The following TCF4 variants were observed in gnomAD, a reference collection of about 807,000 sequenced individuals.
TCF4 encodes SL3-3 enhancer factor 2.
In TCF4, 3 loss-of-function variants were observed where a neutral mutation model predicts 82.1. The observed-to-expected ratio is 0.04, with a 90% CI of 0.02 to 0.09. TCF4 has a LOEUF of 0.09. Among genes scored for constraint, TCF4 ranks in the 10% least tolerant of loss-of-function variants. The probability of loss-of-function intolerance (pLI) is 1.00; values close to 1 mark genes in which losing one functional copy is unlikely to be tolerated. For missense variants in TCF4, 518 were observed against 852.7 expected, an observed-to-expected ratio of 0.61 and a Z score of 4.89; for synonymous variants, 276 against 309.6, an observed-to-expected ratio of 0.89 and a Z score of 1.14.
intron 5 of TCF4, among the ~76,000 whole-genome samples, chr18:55,415,960 A>G (rs931804923): frequency 1.3e-5 from 2 of 152,226 alleles, no homozygotes; most frequent in Non-Finnish European, 2.9e-5. Context: ...AAAGCAATCA[A>G]ATATGTAGCA....
intron 3 of TCF4, among the ~76,000 whole-genome samples, chr18:55,529,963 C>G (rs1474172350): frequency 6.6e-6 from 1 of 151,994 alleles, no homozygotes; most frequent in Non-Finnish European, 1.5e-5. Context: ...GCCAAGCACG[C>G]AAGCAGAGAC....
chr18:55,378,028 CGT>C (rs1213733760), intron 6 of TCF4, among the ~76,000 whole-genome samples: 1 of 151,958 alleles, frequency 6.6e-6, no homozygotes, highest in East Asian at 1.9e-4. Context: ...AAAAGAAATA[CGT>C]GGTTTTAATA....
chr18:55,402,336 T>C (rs1037868724), intron 6 of TCF4: 2 of 526,682 alleles, frequency 3.8e-6, no homozygotes, highest in African/African-American at 2.1e-5. Flanking sequence ...ACTTTCCTCA[T>C]AGGCTCGATT....
chr18:55,589,415 T>G, upstream of TCF4: 1 of 1,056,386 alleles, frequency 9.5e-7, no homozygotes, highest in Non-Finnish European at 1.1e-6. Context: ...GTATTTTAAC[T>G]GGTACTCAGT....
At chr18:55,345,711 C>T (rs563862350) in intron 8 of TCF4, among the ~76,000 whole-genome samples, 3 of 152,258 alleles carry the variant, frequency 2.0e-5, no homozygotes, top group South Asian at 4.1e-4. Flanking sequence ...ACCACACAAT[C>T]GGCTACTTCC....
At chr18:55,387,456 A>G (rs2092699552) in intron 6 of TCF4, among the ~76,000 whole-genome samples, 1 of 152,216 alleles carries the variant, frequency 6.6e-6, no homozygotes, top group African/African-American at 2.4e-5. Flanking sequence ...TTTTCCATCA[A>G]AATATTCTGG....
At chr18:55,373,991 C>T (rs2090064899) in intron 6 of TCF4, among the ~76,000 whole-genome samples, 1 of 151,526 alleles carries the variant, frequency 6.6e-6, no homozygotes, top group Admixed American at 6.6e-5. Flanking sequence ...AAAAACAAAA[C>T]AGTAGCACTG....
chr18:55,422,135 A>C, intron 5 of TCF4: 1 of 794,226 alleles, frequency 1.3e-6, no homozygotes, highest in Non-Finnish European at 1.4e-6. Context: ...CAAAAAAAAA[A>C]AAAAAAAAAA....
chr18:55,350,253 C>T (rs369842653), intron 8 of TCF4, 106 bp downstream of exon 8: 8 of 1,191,312 alleles, frequency 6.7e-6, no homozygotes, highest in East Asian at 2.5e-5. Context: ...TCTAGATAAA[C>T]GTGCTGCTCT....
chr18:55,529,545 C>A (rs1033701476), intron 3 of TCF4, among the ~76,000 whole-genome samples: 2 of 152,004 alleles, frequency 1.3e-5, no homozygotes, highest in Non-Finnish European at 2.9e-5. Flanking sequence ...AGTTATGCCT[C>A]CAATTTTTTT....
intron 2 of TCF4, 62 bp downstream of exon 2, chr18:55,586,983 G>A: frequency 7.1e-7 from 1 of 1,411,882 alleles, no homozygotes; most frequent in South Asian, 1.2e-5. Context: ...TCTAGCTGAA[G>A]TGTTTGGGTT....
chr18:55,484,560 GTC>G (rs2096488268), intron 3 of TCF4, among the ~76,000 whole-genome samples: 1 of 152,140 alleles, frequency 6.6e-6, no homozygotes, highest in South Asian at 2.1e-4. Context: ...CTAAAATCTC[GTC>G]TTTTTCTTAA....
At chr18:55,344,258 A>C (rs183621787) in intron 8 of TCF4, among the ~76,000 whole-genome samples, 50 of 152,302 alleles carry the variant, frequency 3.3e-4, no homozygotes, top group African/African-American at 8.9e-4. Flanking sequence ...TTAGCAAATA[A>C]AACTATTTCA....
At chr18:55,373,757 G>C (rs745632303) in intron 6 of TCF4, among the ~76,000 whole-genome samples, 2 of 152,068 alleles carry the variant, frequency 1.3e-5, no homozygotes, top group Admixed American at 6.6e-5. Context: ...AGGTTGCACT[G>C]AGCTGAGATC....
At chr18:55,586,853 A>C (rs1344564327) in intron 2 of TCF4, 192 bp downstream of exon 2, 1 of 547,204 alleles carries the variant, frequency 1.8e-6, no homozygotes, top group Non-Finnish European at 3.2e-6. Flanking sequence ...AAAAAAAAAA[A>C]AGCCTGAATC....
chr18:55,270,148 A>C (rs1046488082), intron 10 of TCF4, among the ~76,000 whole-genome samples, 185 bp from the exon 11 acceptor site: 7 of 152,192 alleles, frequency 4.6e-5, no homozygotes, highest in Non-Finnish European at 1.0e-4. Flanking sequence ...AGTTATACAG[A>C]AACATAGCTT....
At chr18:55,514,748 T>A (rs1178873093) in intron 3 of TCF4, among the ~76,000 whole-genome samples, 1 of 152,108 alleles carries the variant, frequency 6.6e-6, no homozygotes. Flanking sequence ...GAAAAACATA[T>A]GATTTAATAA....
intron 3 of TCF4, chr18:55,510,744 T>G: frequency 7.4e-7 from 1 of 1,345,778 alleles, no homozygotes; most frequent in South Asian, 1.9e-5. Flanking sequence ...TCTCCTGTGC[T>G]CCATGGAAAC....
chr18:55,464,231 G>C, intron 3 of TCF4, 94 bp from the exon 4 acceptor site: 1 of 1,143,706 alleles, frequency 8.7e-7, no homozygotes, highest in Non-Finnish European at 1.3e-6. Flanking sequence ...TTAATCTCCT[G>C]TTGCCTTTAA....
Sources: allele counts gnomAD v4.1 joint callset (sites outside exome capture counted in the v4.1 genomes callset), GRCh38; gene constraint gnomAD v4.1.1; transcripts MANE v1.5; gene names NCBI Gene and HGNC (gene_info 2026-07-23, HGNC 2026-07-21).